Variants in JAK2 observed in about 807,000 individuals in gnomAD.
JAK2 encodes tyrosine-protein kinase JAK2.
In JAK2, 86 loss-of-function variants were observed where a neutral mutation model predicts 139.3. That is an observed-to-expected ratio of 0.62 (90% CI 0.52 to 0.74). JAK2 has a LOEUF of 0.74. JAK2 is among the 30% of genes least tolerant of loss of function. JAK2 has a pLI of 0.00. For synonymous variants in JAK2, 490 were observed against 437.7 expected, an observed-to-expected ratio of 1.12 and a Z score of -1.49; for missense variants, 1,421 against 1,360.3, an observed-to-expected ratio of 1.04 and a Z score of -0.70.
rs1819444347 is a variant in JAK2, at chr9:5,078,236, G to T, written c.1993-70G>T. On this transcript the variant is annotated intron_variant, in intron 15 of 24. Coordinates refer to ENST00000381652, the MANE Select transcript of JAK2 (RefSeq NM_004972.4). ...TTTCTTCTTTAAATCTGTTTTGGGG[G>T]CTTGAACATACTAAATGCTCCAGTA... The T allele has an allele frequency of 6.2e-6, 8 of 1,291,302 alleles. No homozygotes were observed. In the East Asian group the frequency reaches 1.9e-4, roughly 31 times the overall value. 80.0% of individuals were successfully genotyped at this position (1,291,302 alleles called of 1,614,324 possible).
intron 2 of JAK2, among the ~76,000 whole-genome samples, chr9:5,004,207 A>T (rs1282666756): frequency 1.3e-5 from 2 of 152,188 alleles, no homozygotes; most frequent in Non-Finnish European, 2.9e-5. Context: ...AATCACCATG[A>T]TGTACAATAG....
chr9:5,121,215 G>C (rs757615037), intron 22 of JAK2, among the ~76,000 whole-genome samples: 12 of 152,148 alleles, frequency 7.9e-5, no homozygotes, highest in Non-Finnish European at 1.6e-4. Context: ...GTAAGCATTA[G>C]AGCAGGATGT....
rs1819615941 is a variant in JAK2, at chr9:5,080,555, G to A, written c.2306G>A (p.Arg769Lys). Residue 769 changes from arginine (R) to lysine (K), a missense_variant, in exon 18 of 25, where the codon AGG becomes AAG. Physicochemically the swap from Arg to Lys is conservative, Grantham distance 26. Coordinates refer to ENST00000381652, the MANE Select transcript of JAK2 (RefSeq NM_004972.4). Reference sequence around the variant, plus strand: ...TAGAAGCTACAATTTTATGAAGATAGGCATCAGCTTCCTGCACCAAAGTGG... The same window carrying A: ...TAGAAGCTACAATTTTATGAAGATAAGCATCAGCTTCCTGCACCAAAGTGG... Reference protein sequence around the residue: ...SQRKLQFYEDRHQLPAPKWAE... With the variant: ...SQRKLQFYEDKHQLPAPKWAE... 6.3e-7 allele frequency: 1 copy of A among 1,593,680 alleles called. No homozygotes were observed. The highest frequency in any genetic ancestry group is 8.5e-7 in the Non-Finnish European group (1 of 1,174,658).
At chr9:5,033,150 T>C (rs1202837845) in intron 4 of JAK2, among the ~76,000 whole-genome samples, 2 of 151,974 alleles carry the variant, frequency 1.3e-5, no homozygotes, top group African/African-American at 4.8e-5. Flanking sequence ...GTATCAGAGA[T>C]GGAAGATGAA....
chr9:5,077,102 G>A (rs1338647876), intron 14 of JAK2, among the ~76,000 whole-genome samples: 2 of 151,680 alleles, frequency 1.3e-5, no homozygotes, highest in East Asian at 3.9e-4. Context: ...AGGAAGGTTT[G>A]AATGTCTAAA....
intron 22 of JAK2, chr9:5,100,140 T>G (rs943823670): frequency 2.6e-5 from 4 of 152,244 alleles, no homozygotes; most frequent in African/African-American, 9.6e-5. Context: ...CTTTTATTAT[T>G]CTAATCCTAC....
intron 22 of JAK2, among the ~76,000 whole-genome samples, chr9:5,117,379 A>G (rs193101506): frequency 6.6e-6 from 1 of 152,318 alleles, no homozygotes; most frequent in Admixed American, 6.5e-5. Context: ...TATTTTAGAA[A>G]GATAGCTCTA....
At position 5,081,876 on chromosome 9, in the gene JAK2, T is replaced by G. The variant is rs764096108; in HGVS notation, c.2571+15T>G. On this transcript the variant is annotated intron_variant, in intron 19 of 24. Transcript: ENST00000381652. ...AACTTGGCAAGGTAAATTGTCAGAA[T>G]TTTTTCAAATAGAGTATAATCATTT... is the stretch of plus-strand genomic sequence containing the variant. The G allele has an allele frequency of 8.7e-6, 14 of 1,601,146 alleles. No individual in the cohort carries two copies. Among genetic ancestry groups the G allele is most frequent in the Non-Finnish European group, 1.2e-5 (14 of 1,169,842 alleles).
At chr9:5,057,489 C>A (rs929681393) in intron 8 of JAK2, among the ~76,000 whole-genome samples, 38 of 151,564 alleles carry the variant, frequency 2.5e-4, no homozygotes, top group Non-Finnish European at 3.2e-4. Flanking sequence ...TTCCAGAACT[C>A]TTTTATCTTG....
At position 5,089,779 on chromosome 9, in the gene JAK2, A is replaced by G; in HGVS notation, c.2677A>G (p.Arg893Gly). ...KLQHSTEEHLRDFEREIEILK... is the reference protein window; with the variant it reads ...KLQHSTEEHLGDFEREIEILK... The stretch of plus-strand genomic sequence containing the variant: ...TCAGCATAGTACTGAAGAGCACCTA[A>G]GAGACTTTGAAAGGGAAATTGAAAT... Residue 893 changes from arginine to glycine, a missense_variant, in exon 20 of 25, where the codon AGA (arginine) becomes GGA (glycine). Coordinates refer to ENST00000381652, the MANE Select transcript of JAK2 (RefSeq NM_004972.4). The G allele has an allele frequency of 6.2e-7, 1 of 1,600,542 alleles. No individual in the cohort carries two copies. Among genetic ancestry groups the G allele is most frequent in the Non-Finnish European group, 8.5e-7 (1 of 1,173,474 alleles).
At chr9:4,990,653 G>A (rs950064897) in intron 2 of JAK2, among the ~76,000 whole-genome samples, 8 of 152,034 alleles carry the variant, frequency 5.3e-5, no homozygotes, top group African/African-American at 1.9e-4. Context: ...TTAGGAGGCG[G>A]AATGATCAAC....
Position 5,117,669 on chromosome 9 carries a change from AAATT to A in JAK2, c.3060-5331_3060-5328del, listed in dbSNP as rs967739082. The stretch of plus-strand genomic sequence containing the variant: ...AACAGGTAATGGTTTTATCTTAAAT[AAATT>A]AATAAATATTTTTATATTTTATTAG... On this transcript the variant is annotated intron_variant, in intron 22 of 24. Coordinates refer to ENST00000381652, the MANE Select transcript of JAK2 (RefSeq NM_004972.4). Among the ~76,000 whole-genome samples, 14 of 139,478 alleles carry A rather than the reference AAATT, an allele frequency of 1.0e-4. No individual in the cohort carries two copies. The South Asian group carries it at 1.1e-3, about 11-fold the overall frequency. The allele number at this position is 139,478 out of a possible 152,430, so 91.5% of individuals were successfully genotyped here.
Position 5,070,047 on chromosome 9 carries a change from A to G in JAK2, c.1636A>G (p.Ile546Val). The G allele has an allele frequency of 6.2e-7, 1 of 1,600,276 alleles. No homozygotes were observed. The highest frequency in any genetic ancestry group is 8.5e-7 in the Non-Finnish European group (1 of 1,171,882). The stretch of plus-strand genomic sequence containing the variant: ...TCACAAAATCAGAAATGAAGATTTG[A>G]TATTTGTAAGTCATTAGATACTCAT... Reference protein sequence around the residue: ...VFHKIRNEDLIFNESLGQGTF... With the variant: ...VFHKIRNEDLVFNESLGQGTF... The change falls in exon 12 of 25, where the codon ATA becomes GTA. Residue 546 changes from isoleucine to valine, a missense_variant. Physicochemically the swap from Ile to Val is conservative, Grantham distance 29. Transcript: ENST00000381652.
intron 2 of JAK2, among the ~76,000 whole-genome samples, chr9:4,998,613 T>C (rs1042690129): frequency 3.3e-5 from 5 of 152,036 alleles, no homozygotes; most frequent in African/African-American, 1.2e-4. Flanking sequence ...GTTCACACTT[T>C]TTCTGTATGT....
intron 2 of JAK2, among the ~76,000 whole-genome samples, chr9:5,017,084 G>T (rs1327757678): frequency 2.0e-5 from 3 of 152,192 alleles, no homozygotes; most frequent in African/African-American, 7.2e-5. Flanking sequence ...GGAAAGCCAT[G>T]ACATGTAGGA....
rs1412015532 is a variant in JAK2 at position 5,069,182 on chromosome 9, C to G, written c.1487C>G (p.Thr496Ser). ...VRSDNIIFQF[T>S]KCCPPKPKDK... ...TCAGACAATATAATTTTCCAGTTTA[C>G]TAAATGCTGTCCCCCAAAGCCAAAA... The change falls in exon 11 of 25, where the codon ACT (threonine) becomes AGT (serine). Residue 496 changes from threonine (T) to serine (S), a missense_variant. Thr to Ser is a moderately conservative substitution (Grantham distance 58). Transcript: ENST00000381652. 1.2e-6 allele frequency: 2 copies of G among 1,607,418 alleles called. No individual in the cohort carries two copies. Among genetic ancestry groups the G allele is most frequent in the Non-Finnish European group, 1.7e-6 (2 of 1,177,810 alleles).
At position 5,041,153 on chromosome 9, in the gene JAK2, CGCAT is replaced by C. The variant is rs561646533; in HGVS notation, c.351-3248_351-3245del. 5.6e-4 allele frequency: 649 copies of C among 1,148,760 alleles called. 2 individuals carry two copies. The highest frequency in any genetic ancestry group is 5.4e-3 in the Middle Eastern group (24 of 4,412). The allele number at this position is 1,148,760 out of a possible 1,614,324, so 71.2% of individuals were successfully genotyped here. On this transcript the variant is annotated intron_variant, in intron 4 of 24. Coordinates refer to ENST00000381652, the MANE Select transcript of JAK2 (RefSeq NM_004972.4). The stretch of plus-strand genomic sequence containing the variant: ...CCTGATCGCCATCCGGCTGATCACG[CGCAT>C]GGATTATGTGCACACCAAGAACCTC...
intron 2 of JAK2, among the ~76,000 whole-genome samples, chr9:4,988,341 C>T (rs10156475): frequency 0.47 from 71,074 of 151,936 alleles, 18,049 homozygotes; most frequent in African/African-American, 0.68. Context: ...GAGGTTGCTC[C>T]GATAAAAAGC....
chr9:5,020,469 G>A (rs567540043), intron 2 of JAK2, among the ~76,000 whole-genome samples: 1 of 152,276 alleles, frequency 6.6e-6, no homozygotes, highest in South Asian at 2.1e-4. Flanking sequence ...CAATTTCCTG[G>A]TGGAATGTTC....
Sources: allele counts gnomAD v4.1 joint callset (sites outside exome capture counted in the v4.1 genomes callset), GRCh38; gene constraint gnomAD v4.1.1; transcripts MANE v1.5; gene names NCBI Gene and HGNC (gene_info 2026-07-23, HGNC 2026-07-21).